Variants in XRCC4 observed in about 807,000 individuals in gnomAD.
XRCC4 encodes X-ray repair cross complementing 4.
XRCC4 carries 28 observed loss-of-function variants against 39.1 expected under a neutral mutation model. That is an observed-to-expected ratio of 0.72 (90% CI 0.53 to 0.98). XRCC4 has a LOEUF of 0.98. Ranked by LOEUF, XRCC4 falls within the 50% of genes least tolerant of loss-of-function variation. The pLI, the probability that XRCC4 is intolerant of heterozygous loss-of-function variation, is 0.00. For synonymous variants in XRCC4, 123 were observed against 126.4 expected (o/e 0.97, Z 0.18); for missense variants, 350 against 376.4 (o/e 0.93, Z 0.58).
intron 3 of XRCC4, among the ~76,000 whole-genome samples, chr5:83,167,127 G>A (rs1477311070): frequency 6.6e-6 from 1 of 152,028 alleles, no homozygotes; most frequent in South Asian, 2.1e-4. Context: ...AGTGATTCAC[G>A]CGCCTTGGCC....
At chr5:83,314,136 C>A (rs1755801600) in intron 7 of XRCC4, among the ~76,000 whole-genome samples, 2 of 152,024 alleles carry the variant, frequency 1.3e-5, no homozygotes, top group Admixed American at 1.3e-4. Flanking sequence ...AATGTTACTT[C>A]AATATATATT....
intron 3 of XRCC4, among the ~76,000 whole-genome samples, chr5:83,189,399 C>T (rs541848710): frequency 9.2e-5 from 14 of 152,118 alleles, no homozygotes; most frequent in Admixed American, 8.5e-4. Flanking sequence ...TATAGCGTAG[C>T]CTTAAAATGC....
chr5:83,316,489 A>C (rs1755888441), intron 7 of XRCC4, among the ~76,000 whole-genome samples: 1 of 151,274 alleles, frequency 6.6e-6, no homozygotes, highest in Non-Finnish European at 1.5e-5. Flanking sequence ...ATAGGCTCAA[A>C]ATAAAAGGAT....
At chr5:83,240,671 A>G (rs1752873012) in intron 6 of XRCC4, among the ~76,000 whole-genome samples, 1 of 152,178 alleles carries the variant, frequency 6.6e-6, no homozygotes, top group South Asian at 2.1e-4. Context: ...GAGTTACAAA[A>G]CACACAAAGG....
At position 83,327,162 on chromosome 5, in the gene XRCC4, C is replaced by A. The variant is rs377356367; in HGVS notation, c.894-25969C>A. On this transcript the variant is annotated intron_variant, in intron 7 of 7. Coordinates refer to ENST00000396027, the MANE Select transcript of XRCC4 (RefSeq NM_003401.5). ...TATATAGTCAGGCTGGGAACATTTC[C>A]ATCATCCTAAGTTTCCTTATAATTA... Among the ~76,000 whole-genome samples the A allele has an allele frequency of 4.3e-4, 65 of 152,062 alleles. 1 individual carries two copies. Among genetic ancestry groups the A allele is most frequent in the African/African-American group, 1.4e-3 (60 of 41,512 alleles).
At chr5:83,302,057 C>A (rs1272881511) in intron 7 of XRCC4, among the ~76,000 whole-genome samples, 1 of 152,112 alleles carries the variant, frequency 6.6e-6, no homozygotes, top group East Asian at 1.9e-4. Context: ...ATGCCCCTCC[C>A]CCTACTAAGC....
At chr5:83,131,670 A>G (rs1163217163) in intron 3 of XRCC4, among the ~76,000 whole-genome samples, 1 of 151,338 alleles carries the variant, frequency 6.6e-6, no homozygotes. Flanking sequence ...GTTGGTTTAA[A>G]GTCTGTTTTA....
At chr5:83,098,540 AAT>A (rs1745782044) in intron 1 of XRCC4, among the ~76,000 whole-genome samples, 1 of 152,112 alleles carries the variant, frequency 6.6e-6, no homozygotes, top group Non-Finnish European at 1.5e-5. Context: ...CTTTACACTT[AAT>A]GTTTAGAAAA....
At chr5:83,308,535 T>C (rs1383492949) in intron 7 of XRCC4, among the ~76,000 whole-genome samples, 2 of 152,206 alleles carry the variant, frequency 1.3e-5, no homozygotes, top group Non-Finnish European at 2.9e-5. Context: ...TGCCAAATTT[T>C]CTCTACACTT....
chr5:83,349,171 G>GC (rs1261166329), intron 7 of XRCC4, among the ~76,000 whole-genome samples: 1 of 151,988 alleles, frequency 6.6e-6, no homozygotes, highest in Non-Finnish European at 1.5e-5. Flanking sequence ...TTATAGCAAT[G>GC]CCCCACTTCT....
intron 3 of XRCC4, among the ~76,000 whole-genome samples, chr5:83,167,185 A>G (rs1749523227): frequency 1.3e-5 from 2 of 151,136 alleles, no homozygotes; most frequent in South Asian, 4.2e-4. Context: ...CCCAGCCCTC[A>G]TTATGGTTTT....
At chr5:83,182,244 A>C (rs1178448837) in intron 3 of XRCC4, among the ~76,000 whole-genome samples, 1 of 152,194 alleles carries the variant, frequency 6.6e-6, no homozygotes, top group Non-Finnish European at 1.5e-5. Flanking sequence ...TTGAACTTCC[A>C]TACGAAACAG....
At chr5:83,159,802 C>G (rs565346770) in intron 3 of XRCC4, among the ~76,000 whole-genome samples, 3 of 152,094 alleles carry the variant, frequency 2.0e-5, no homozygotes, top group Non-Finnish European at 2.9e-5. Flanking sequence ...AACTTAGACA[C>G]TTTGGTGTTA....
chr5:83,094,382 C>A (rs1745576380), intron 1 of XRCC4, among the ~76,000 whole-genome samples: 3 of 135,306 alleles, frequency 2.2e-5, no homozygotes, highest in Admixed American at 1.5e-4. Flanking sequence ...CCTCTCTTCC[C>A]CTCCTCTCCC....
chr5:83,160,918 T>C (rs1179369815), intron 3 of XRCC4, among the ~76,000 whole-genome samples: 1 of 152,090 alleles, frequency 6.6e-6, no homozygotes, highest in Admixed American at 6.6e-5. Context: ...TATTCTAAAT[T>C]TGTCATTTTC....
chr5:83,153,682 G>T (rs1404547002), intron 3 of XRCC4, among the ~76,000 whole-genome samples: 1 of 151,982 alleles, frequency 6.6e-6, no homozygotes, highest in Non-Finnish European at 1.5e-5. Flanking sequence ...TGCATTGCTG[G>T]TTAGAATGTA....
chr5:83,335,254 G>A (rs1217846434), intron 7 of XRCC4, among the ~76,000 whole-genome samples: 2 of 151,624 alleles, frequency 1.3e-5, no homozygotes, highest in Non-Finnish European at 2.9e-5. Context: ...TAAATATATG[G>A]TGGCCTGATA....
chr5:83,156,932 A>G (rs190047012), intron 3 of XRCC4, among the ~76,000 whole-genome samples: 26 of 152,192 alleles, frequency 1.7e-4, no homozygotes, highest in African/African-American at 6.3e-4. Flanking sequence ...TGCTGAAACC[A>G]TGAGGATTTG....
rs539378476 is a variant in XRCC4 at position 83,311,725 on chromosome 5, T to C, written c.894-41406T>C. Among the ~76,000 whole-genome samples the C allele has an allele frequency of 7.2e-5, 11 of 152,164 alleles. No individual in the cohort carries two copies. The South Asian group carries it at 2.3e-3, about 32-fold the overall frequency. ...AAGTTGTATCTGTATCTGTTTTATA[T>C]ATATTATTAAACTCTTAAAATAATG... On this transcript the variant is annotated intron_variant, in intron 7 of 7. Coordinates refer to ENST00000396027, the MANE Select transcript of XRCC4 (RefSeq NM_003401.5).
Sources: gnomAD v4.1 joint callset for allele counts (sites outside exome capture counted in the v4.1 genomes callset) on GRCh38, gnomAD v4.1.1 for gene constraint, MANE v1.5 for transcripts, NCBI Gene and HGNC (gene_info 2026-07-23, HGNC 2026-07-21) for gene names.